Variants in MDGA2 observed in about 807,000 individuals in gnomAD.
MDGA2 encodes MAM domain containing glycosylphosphatidylinositol anchor 2.
Under a neutral mutation model 117.8 loss-of-function variants are expected in MDGA2, and 40 were observed. That is an observed-to-expected ratio of 0.34 (90% CI 0.26 to 0.44). The LOEUF is 0.44. Ranked by LOEUF, MDGA2 falls within the 20% of genes least tolerant of loss-of-function variation. MDGA2 has a pLI of 1.00. For synonymous variants in MDGA2, 452 were observed against 439.0 expected (o/e 1.03, Z -0.37); for missense variants, 1,123 against 1,250.6 (o/e 0.90, Z 1.54).
At chr14:47,521,925 G>A (rs1894875763) in intron 1 of MDGA2, among the ~76,000 whole-genome samples, 1 of 152,098 alleles carries the variant, frequency 6.6e-6, no homozygotes, top group South Asian at 2.1e-4. Flanking sequence ...GCCCACCTCA[G>A]TCTCCCAAAG....
chr14:47,037,092 C>CTT (rs1452981522), intron 7 of MDGA2, among the ~76,000 whole-genome samples: 1 of 152,074 alleles, frequency 6.6e-6, no homozygotes, highest in Non-Finnish European at 1.5e-5. Context: ...AGTATTTGTT[C>CTT]TTTTTGAAGT....
At chr14:47,134,141 A>G (rs1274546287) in intron 4 of MDGA2, among the ~76,000 whole-genome samples, 6 of 152,080 alleles carry the variant, frequency 3.9e-5, no homozygotes, top group Non-Finnish European at 8.8e-5. Flanking sequence ...AAATCTAATT[A>G]TGCCATCTCC....
At chr14:47,557,046 G>A (rs1476498805) in intron 1 of MDGA2, among the ~76,000 whole-genome samples, 1 of 152,202 alleles carries the variant, frequency 6.6e-6, no homozygotes, top group Non-Finnish European at 1.5e-5. Flanking sequence ...CAATGGCATA[G>A]CTTCTTTGGG....
At chr14:46,875,184 G>A (rs1882175539) in intron 12 of MDGA2, among the ~76,000 whole-genome samples, 1 of 151,666 alleles carries the variant, frequency 6.6e-6, no homozygotes, top group Admixed American at 6.6e-5. Flanking sequence ...AATTCATAGA[G>A]ATATAAACAC....
At position 47,511,922 on chromosome 14, in the gene MDGA2, C is replaced by G. The variant is rs571175106; in HGVS notation, c.280+162595G>C. The stretch of plus-strand genomic sequence containing the variant: ...GAGTCAGGTCTACCGCTCAAAGAAA[C>G]AGGGGTTTGTGTGTGTGTGTATTTA... On this transcript the variant is annotated intron_variant, in intron 1 of 16. Transcript: ENST00000399232. Among the ~76,000 whole-genome samples, 8 of 152,238 alleles carry G rather than the reference C, an allele frequency of 5.3e-5. No homozygotes were observed. The South Asian group carries it at 1.5e-3, about 28-fold the overall frequency.
chr14:47,033,201 A>G (rs1888723802), intron 8 of MDGA2, among the ~76,000 whole-genome samples: 1 of 152,250 alleles, frequency 6.6e-6, no homozygotes, highest in Non-Finnish European at 1.5e-5. Flanking sequence ...GAGAAAGGAA[A>G]AAATAGGAAA....
chr14:47,479,441 T>C (rs1043625121), intron 1 of MDGA2, among the ~76,000 whole-genome samples: 4 of 152,032 alleles, frequency 2.6e-5, no homozygotes, highest in Admixed American at 2.0e-4. Flanking sequence ...CAGGGTGAAA[T>C]GATGATGATT....
At chr14:47,647,547 C>G (rs763775690) in intron 1 of MDGA2, among the ~76,000 whole-genome samples, 1 of 152,018 alleles carries the variant, frequency 6.6e-6, no homozygotes, top group Non-Finnish European at 1.5e-5. Context: ...AGACATAAAC[C>G]ATAACCTTTT....
intron 1 of MDGA2, among the ~76,000 whole-genome samples, chr14:47,640,619 C>T (rs758594691): frequency 1.3e-5 from 2 of 152,066 alleles, no homozygotes; most frequent in Non-Finnish European, 2.9e-5. Context: ...GTACATCTTC[C>T]TTGACACTTG....
At chr14:47,049,367 T>C (rs1889374527) in intron 7 of MDGA2, among the ~76,000 whole-genome samples, 1 of 151,840 alleles carries the variant, frequency 6.6e-6, no homozygotes, top group African/African-American at 2.4e-5. Flanking sequence ...TTATATAAAA[T>C]GGCATAGTAT....
At chr14:47,429,095 G>A (rs1221336221) in intron 1 of MDGA2, among the ~76,000 whole-genome samples, 2 of 151,718 alleles carry the variant, frequency 1.3e-5, no homozygotes, top group African/African-American at 4.8e-5. Flanking sequence ...CGTAGTGGCG[G>A]GTGCCTGTAA....
intron 8 of MDGA2, among the ~76,000 whole-genome samples, chr14:47,027,958 CAG>C (rs577408656): frequency 5.3e-5 from 8 of 151,968 alleles, no homozygotes; most frequent in Non-Finnish European, 1.0e-4. Context: ...TTATTTTGTA[CAG>C]AGTTTAAATT....
intron 2 of MDGA2, among the ~76,000 whole-genome samples, chr14:47,251,477 T>C (rs1230762041): frequency 7.2e-6 from 1 of 138,430 alleles, no homozygotes; most frequent in East Asian, 1.9e-4. Flanking sequence ...TACATAATTT[T>C]TTTAAAAAAA....
chr14:47,036,206 C>T (rs764570730), intron 7 of MDGA2, among the ~76,000 whole-genome samples: 1 of 135,902 alleles, frequency 7.4e-6, no homozygotes, highest in Non-Finnish European at 1.5e-5. Flanking sequence ...GGAGGCGGAG[C>T]TTGCAGTGAG....
chr14:47,645,307 G>T (rs996658765), intron 1 of MDGA2, among the ~76,000 whole-genome samples: 1 of 151,466 alleles, frequency 6.6e-6, no homozygotes. Context: ...GCGGTGGCGC[G>T]ATATCGGCTC....
intron 14 of MDGA2, among the ~76,000 whole-genome samples, chr14:46,860,857 T>A (rs999525743): frequency 2.0e-5 from 3 of 151,972 alleles, no homozygotes; most frequent in African/African-American, 7.2e-5. Flanking sequence ...ATAAAGCATA[T>A]GCTGTACACA....
chr14:47,168,112 T>C (rs953679708), intron 3 of MDGA2, among the ~76,000 whole-genome samples: 10 of 152,112 alleles, frequency 6.6e-5, no homozygotes, highest in African/African-American at 2.4e-4. Context: ...GGAGTAGGTC[T>C]ACATCTCTTT....
chr14:46,975,665 A>C (rs150726258), intron 8 of MDGA2, among the ~76,000 whole-genome samples: 24 of 152,250 alleles, frequency 1.6e-4, no homozygotes, highest in Non-Finnish European at 3.1e-4. Context: ...ACAAAAATAA[A>C]ATAGTGGTTG....
chr14:47,416,316 T>C (rs953133060), intron 1 of MDGA2, among the ~76,000 whole-genome samples: 9 of 152,146 alleles, frequency 5.9e-5, no homozygotes, highest in East Asian at 5.8e-4. Context: ...ATAGGAAAGA[T>C]GTAAGGGATT....
Sources: gnomAD v4.1 joint callset for allele counts (sites outside exome capture counted in the v4.1 genomes callset) on GRCh38, gnomAD v4.1.1 for gene constraint, MANE v1.5 for transcripts, NCBI Gene and HGNC (gene_info 2026-07-23, HGNC 2026-07-21) for gene names.